The following HUS1 variants were observed in gnomAD, a reference collection of about 807,000 sequenced individuals.
HUS1 encodes the protein HUS1 checkpoint clamp component.
In HUS1, 31 loss-of-function variants were observed where a neutral mutation model predicts 32.6. That is an observed-to-expected ratio of 0.95 (90% confidence interval 0.72 to 1.28). The LOEUF (loss-of-function observed/expected upper bound fraction) is 1.28. Among genes scored for constraint, HUS1 ranks in the 50% most tolerant of loss-of-function variants. The pLI, the probability that HUS1 is intolerant of heterozygous loss-of-function variation, is 0.00. For synonymous variants in HUS1, 123 were observed against 116.6 expected, an observed-to-expected ratio of 1.06 and a Z score of -0.36; for missense variants, 340 against 337.7, an observed-to-expected ratio of 1.01 and a Z score of -0.05.
chr7:47,964,508 C>A lies in HUS1; in HGVS notation c.*848G>T, dbSNP rs1788435709. 1 of 152,214 alleles carries A rather than the reference C, an allele frequency of 6.6e-6. No homozygotes were observed. The highest frequency in any genetic ancestry group is 2.1e-4 in the South Asian group (1 of 4,834). The allele number at this position is 152,214 out of a possible 1,614,324, so 9.4% of individuals were successfully genotyped here. A position where few individuals can be genotyped will look rare whatever the true frequency, so the allele number is the denominator to read the frequency against. On this transcript the variant is annotated 3_prime_UTR_variant, in exon 8 of 8. Coordinates refer to ENST00000258774, the MANE Select transcript of HUS1 (RefSeq NM_004507.4). ...AGCACATCTACCAGTACTGAATCAG[C>A]TTTGATGTTCAGAAACATCAAAGAA...
chr7:47,971,601 T>C (rs3176559), intron 5 of HUS1: 52,844 of 455,188 alleles, frequency 0.12, 3,676 homozygotes, highest in South Asian at 0.19. Context: ...TGAAATTTCC[T>C]CCTAAAAGAA....
At position 47,964,285 on chromosome 7, in the gene HUS1, G is replaced by A. The variant is rs1458579928; in HGVS notation, c.*1071C>T. 1 of 152,302 alleles carries A rather than the reference G, an allele frequency of 6.6e-6. No individual in the cohort carries two copies. Among genetic ancestry groups the A allele is most frequent in the African/African-American group, 2.4e-5 (1 of 41,458 alleles). The allele number at this position is 152,302 out of a possible 1,614,324, so 9.4% of individuals were successfully genotyped here. On this transcript the variant is annotated 3_prime_UTR_variant, in exon 8 of 8. Transcript: ENST00000258774. Reference sequence around the variant, plus strand: ...CCCAGCTAGTCAGGAAGCTGAGGTGGGAGGATGCCTTGAGCCAAGGAGGTC... The same window carrying A: ...CCCAGCTAGTCAGGAAGCTGAGGTGAGAGGATGCCTTGAGCCAAGGAGGTC...
At chr7:47,965,988 C>T (rs530233903) in intron 7 of HUS1, among the ~76,000 whole-genome samples, 70 of 152,092 alleles carry the variant, frequency 4.6e-4, no homozygotes, top group African/African-American at 1.5e-3. Flanking sequence ...TGACAACCAC[C>T]GAGAGCTCGG....
At chr7:47,977,146 A>G (rs1788722048) in intron 3 of HUS1, among the ~76,000 whole-genome samples, 1 of 152,202 alleles carries the variant, frequency 6.6e-6, no homozygotes. Context: ...GCCGTGAGAA[A>G]GCACTCCACA....
In HUS1 at chr7:47,978,416, C is replaced by T. The variant is rs763026392; in HGVS notation, c.357+1G>A. 4.3e-6 allele frequency: 7 copies of T among 1,612,550 alleles called. No individual in the cohort carries two copies. Among genetic ancestry groups the T allele is most frequent in the Non-Finnish European group, 5.9e-6 (7 of 1,178,690 alleles). On this transcript the variant is annotated splice_donor_variant, in intron 3 of 7. Coordinates refer to ENST00000258774, the MANE Select transcript of HUS1 (RefSeq NM_004507.4). LOFTEE classifies it high-confidence loss of function. Reference sequence around the variant, plus strand: ...TTAGAAACCCTGACTCTCCTACTCACCAGCTCCACGGAGACCGTGAGGCAG... The same window carrying T: ...TTAGAAACCCTGACTCTCCTACTCATCAGCTCCACGGAGACCGTGAGGCAG...
intron 7 of HUS1, 42 bp from the exon 8 acceptor site, chr7:47,965,480 A>G: frequency 7.2e-7 from 1 of 1,388,838 alleles, no homozygotes; most frequent in Non-Finnish European, 1.0e-6. Flanking sequence ...CTAGTGCAGC[A>G]CACACATTTT....
rs1483181984 is a variant in HUS1 at position 47,965,006 on chromosome 7, CT to C, written c.*349del. On this transcript the variant is annotated 3_prime_UTR_variant, in exon 8 of 8. Transcript: ENST00000258774. Reference sequence around the variant, plus strand: ...CTCTGCCTGGAGGGAAAGTACCAAGCTCCCAGGCAACAGCTTTACGAATTCT... The same window carrying C: ...CTCTGCCTGGAGGGAAAGTACCAAGCCCCAGGCAACAGCTTTACGAATTCT... The C allele has an allele frequency of 4.7e-6, 1 of 212,932 alleles. No homozygotes were observed. The highest frequency in any genetic ancestry group is 2.3e-5 in the African/African-American group (1 of 44,082). 13.2% of individuals were successfully genotyped at this position (212,932 alleles called of 1,614,324 possible). A position where few individuals can be genotyped will look rare whatever the true frequency, so the allele number is the denominator to read the frequency against.
intron 5 of HUS1, among the ~76,000 whole-genome samples, chr7:47,971,804 ACT>A (rs1788606138): frequency 6.6e-6 from 1 of 151,820 alleles, no homozygotes; most frequent in African/African-American, 2.4e-5. Flanking sequence ...CAGAGAAGGC[ACT>A]CTGTCTGCAC....
At chr7:47,975,021 T>C (rs1788671479) in intron 5 of HUS1, among the ~76,000 whole-genome samples, 1 of 152,060 alleles carries the variant, frequency 6.6e-6, no homozygotes, top group African/African-American at 2.4e-5. Flanking sequence ...AGGTAAAAGA[T>C]ACAATGTTCC....
intron 3 of HUS1, among the ~76,000 whole-genome samples, chr7:47,977,176 G>C (rs1401847905): frequency 6.6e-6 from 1 of 152,134 alleles, no homozygotes; most frequent in Non-Finnish European, 1.5e-5. Flanking sequence ...GTGAGTGTGG[G>C]GGAGTTTCCT....
At chr7:47,979,018 C>T in intron 1 of HUS1, 1 of 581,974 alleles carries the variant, frequency 1.7e-6, no homozygotes, top group Non-Finnish European at 3.1e-6. Context: ...CAGCACACAT[C>T]ATCAGTGTTC....
In HUS1 at chr7:47,978,601, A is replaced by G. The variant is rs746035902; in HGVS notation, c.181-8T>C. ...TTCGTTGAAGAAGTTCTCCTAAGGGAAAAAAAATGAGGGATGAGGGAGGGT... is the reference window on the plus strand; with the variant it reads ...TTCGTTGAAGAAGTTCTCCTAAGGGGAAAAAAATGAGGGATGAGGGAGGGT... On this transcript the variant is annotated splice_region_variant and splice_polypyrimidine_tract_variant and intron_variant, in intron 2 of 7. Transcript: ENST00000258774. 11 of 1,609,732 alleles carry G rather than the reference A, an allele frequency of 6.8e-6. No homozygotes were observed. The African/African-American group carries it at 8.0e-5, about 12-fold the overall frequency.
At chr7:47,973,270 C>A (rs750342774) in intron 5 of HUS1, among the ~76,000 whole-genome samples, 8 of 152,204 alleles carry the variant, frequency 5.3e-5, no homozygotes, top group Non-Finnish European at 1.2e-4. Flanking sequence ...GCACACATCA[C>A]AAAGTACTGC....
intron 7 of HUS1, among the ~76,000 whole-genome samples, chr7:47,966,075 T>A (rs1788471760): frequency 6.7e-6 from 1 of 150,120 alleles, no homozygotes; most frequent in Admixed American, 6.7e-5. Flanking sequence ...GTGAGCAGGC[T>A]GCAGAGAGGC....
At chr7:47,965,598 A>C (rs73335738) in intron 7 of HUS1, among the ~76,000 whole-genome samples, 160 bp from the exon 8 acceptor site, 287 of 152,320 alleles carry the variant, frequency 1.9e-3, no homozygotes, top group African/African-American at 6.6e-3. Context: ...TCACTGCCAC[A>C]GCTGAGGCTA....
rs773571934 is a variant in HUS1, at chr7:47,978,412, C to T, written c.357+5G>A. ...TGTGTTAGAAACCCTGACTCTCCTA[C>T]TCACCAGCTCCACGGAGACCGTGAG... On this transcript the variant is annotated splice_donor_5th_base_variant and intron_variant, in intron 3 of 7. Transcript: ENST00000258774. 1 of 1,611,748 alleles carries T rather than the reference C, an allele frequency of 6.2e-7. No homozygotes were observed. Among genetic ancestry groups the T allele is most frequent in the South Asian group, 1.1e-5 (1 of 91,038 alleles).
intron 6 of HUS1, 131 bp from the exon 7 acceptor site, chr7:47,968,056 A>G: frequency 1.2e-6 from 1 of 859,058 alleles, no homozygotes; most frequent in Middle Eastern, 2.3e-4. Context: ...GAAATATTGC[A>G]ACTTGTAAAT....
intron 4 of HUS1, chr7:47,976,188 CT>C (rs1788700300): frequency 2.7e-6 from 1 of 363,840 alleles, no homozygotes; most frequent in Admixed American, 3.6e-5. Flanking sequence ...TAGGTGCCAT[CT>C]AGTAAAAGTC....
chr7:47,978,543 A>C lies in HUS1; in HGVS notation c.231T>G (p.Asn77Lys), dbSNP rs570029976. Residue 77 changes from asparagine (N) to lysine (K), a missense_variant, in exon 3 of 8, where the codon AAT (asparagine) becomes AAG (lysine). Physicochemically the swap from Asn to Lys is moderately conservative, Grantham distance 94. Coordinates refer to ENST00000258774, the MANE Select transcript of HUS1 (RefSeq NM_004507.4). ...FQMEGVSAEN[N>K]EIYLELTSEN... ...CCGATGTTAGCTCTAAATAAATCTC[A>C]TTGTTTTCTGCAGAGACACCCTCCA... 18 of 1,614,198 alleles carry C rather than the reference A, an allele frequency of 1.1e-5. No individual in the cohort carries two copies. In the South Asian group the frequency reaches 1.9e-4, roughly 17 times the overall value.
Sources: gnomAD v4.1 joint callset for allele counts (sites outside exome capture counted in the v4.1 genomes callset) on GRCh38, gnomAD v4.1.1 for gene constraint, MANE v1.5 for transcripts, NCBI Gene and HGNC (gene_info 2026-07-23, HGNC 2026-07-21) for gene names.